Variants in ERCC3 observed in about 807,000 individuals in gnomAD.
ERCC3 encodes ERCC excision repair 3, TFIIH core complex helicase subunit.
A neutral mutation model predicts 94.2 loss-of-function variants in ERCC3; 66 were observed. The observed-to-expected ratio is 0.70, with a 90% CI of 0.57 to 0.86. The LOEUF is 0.86. ERCC3 is among the 40% of genes least tolerant of loss of function. ERCC3 has a pLI of 0.00. For missense variants in ERCC3, 829 were observed against 987.1 expected (o/e 0.84, Z 2.15); for synonymous variants, 349 against 369.1 (o/e 0.95, Z 0.63).
In ERCC3 at chr2:127,286,961, G is replaced by C; in HGVS notation, c.1084C>G (p.Leu362Val). The stretch of plus-strand genomic sequence containing the variant: ...GAAACAGCTGAGTTGCCCAGCACCA[G>C]ACAGCGTTTTCTGACAGTGCATGCA... ...TAACTVRKRC[L>V]VLGNSAVSVE... The change falls in exon 8 of 15, where the codon CTG becomes GTG. Residue 362 changes from leucine (L) to valine (V), a missense_variant. Transcript: ENST00000285398. 2 of 1,614,102 alleles carry C rather than the reference G, an allele frequency of 1.2e-6. No homozygotes were observed. The highest frequency in any genetic ancestry group is 2.2e-5 in the South Asian group (2 of 91,084).
At position 127,279,262 on chromosome 2, in the gene ERCC3, C is replaced by G; in HGVS notation, c.1641G>C (p.Leu547=). 1 of 1,613,834 alleles carries G rather than the reference C, an allele frequency of 6.2e-7. No individual in the cohort carries two copies. The highest frequency in any genetic ancestry group is 1.3e-5 in the African/African-American group (1 of 75,006). ...NPNKFRACQF[L]IKFHERRNDK... is the part of the protein sequence containing the mutation. Reference sequence around the variant, plus strand: ...CATTCCTCCTTTCATGAAACTTGATCAGAAACTGGCAAGCTCTAAATTTGT... The same window carrying G: ...CATTCCTCCTTTCATGAAACTTGATGAGAAACTGGCAAGCTCTAAATTTGT... The change falls in exon 10 of 15, where the codon CTG becomes CTC. Residue 547 remains leucine, a synonymous_variant. Transcript: ENST00000285398. This position sits in a 1 kb window ranked among gnomAD's most constrained non-coding sequence, Gnocchi z 4.7.
intron 3 of ERCC3, chr2:127,290,892 G>T: frequency 6.5e-6 from 1 of 154,356 alleles, no homozygotes; most frequent in South Asian, 2.0e-4. Flanking sequence ...GACCAGCCTG[G>T]CCAACATGGT....
Position 127,279,455 on chromosome 2 carries a change from G to T in ERCC3, c.1528-80C>A. ...TAAAACTTTTGAAGACCTTTCTCTAGCAGAATTAGCTTTAAAACAAAACCA... is the reference window on the plus strand; with the variant it reads ...TAAAACTTTTGAAGACCTTTCTCTATCAGAATTAGCTTTAAAACAAAACCA... On this transcript the variant is annotated intron_variant, in intron 9 of 14. Transcript: ENST00000285398. The surrounding 1 kb of genome is among the most constrained non-coding windows in gnomAD (Gnocchi z 4.7). 1 of 1,112,858 alleles carries T rather than the reference G, an allele frequency of 9.0e-7. No individual in the cohort carries two copies. 68.9% of individuals were successfully genotyped at this position (1,112,858 alleles called of 1,614,324 possible).
At chr2:127,290,673 AT>A (rs1418593864) in intron 3 of ERCC3, 2 of 298,752 alleles carry the variant, frequency 6.7e-6, no homozygotes. Context: ...CAATGCTCCT[AT>A]TTCCCCAAAT....
intron 7 of ERCC3, 22 bp from the exon 8 acceptor site, chr2:127,287,039 TC>T (rs745763019): frequency 6.3e-7 from 1 of 1,592,782 alleles, no homozygotes; most frequent in East Asian, 2.2e-5. Flanking sequence ...AAGAGTGCAA[TC>T]CCACCCAAGG....
At position 127,291,355 on chromosome 2, in the gene ERCC3, G is replaced by A. The variant is rs1685265450; in HGVS notation, c.472-1082C>T. On this transcript the variant is annotated intron_variant, in intron 3 of 14. Transcript: ENST00000285398. The surrounding 1 kb of genome is among the most constrained non-coding windows in gnomAD (Gnocchi z 4.9). Reference sequence around the variant, plus strand: ...GCTCACTTCAACCTCTGCCGCCCGGGTTCAAGTGATTGTCCTGCCTCAGCC... The same window carrying A: ...GCTCACTTCAACCTCTGCCGCCCGGATTCAAGTGATTGTCCTGCCTCAGCC... Among the ~76,000 whole-genome samples, 1 of 152,130 alleles carries A rather than the reference G, an allele frequency of 6.6e-6. No homozygotes were observed. Among genetic ancestry groups the A allele is most frequent in the Admixed American group, 6.5e-5 (1 of 15,276 alleles).
chr2:127,288,672 C>T lies in ERCC3; in HGVS notation c.1015G>A (p.Val339Ile), dbSNP rs1558961958. 6.2e-7 allele frequency: 1 copy of T among 1,614,126 alleles called. No homozygotes were observed. The highest frequency in any genetic ancestry group is 2.2e-5 in the East Asian group (1 of 44,880). The change falls in exon 7 of 15, where the codon GTT (valine) becomes ATT (isoleucine). Residue 339 changes from valine to isoleucine, a missense_variant. Physicochemically the swap from Val to Ile is conservative, Grantham distance 29. Coordinates refer to ENST00000285398, the MANE Select transcript of ERCC3 (RefSeq NM_000122.2). ...GNGRARSGVI[V>I]LPCGAGKSLV... ...TGGTACCACTTACCGCAGGGAAGAA[C>T]AATGACCCCCGAACGTGCACGCCCG...
chr2:127,260,605 G>A (rs1411366547), intron 13 of ERCC3: 1 of 154,382 alleles, frequency 6.5e-6, no homozygotes. Flanking sequence ...TCAAAAGGCA[G>A]CCTGGATTGC....
At chr2:127,272,184 C>A (rs1294846268) in intron 11 of ERCC3, among the ~76,000 whole-genome samples, 2 of 151,868 alleles carry the variant, frequency 1.3e-5, no homozygotes, top group Non-Finnish European at 2.9e-5. Context: ...GCCACCACAC[C>A]CAGCTAATTT....
intron 4 of ERCC3, 49 bp from the exon 5 acceptor site, chr2:127,289,873 T>A: frequency 6.2e-7 from 1 of 1,603,634 alleles, no homozygotes; most frequent in Admixed American, 1.7e-5. Context: ...AGGTACCTCC[T>A]GGAGATTCCA....
In ERCC3 at chr2:127,284,910, C is replaced by T. The variant is rs779689403; in HGVS notation, c.1342+1793G>A. Among the ~76,000 whole-genome samples the T allele has an allele frequency of 6.6e-6, 1 of 152,122 alleles. No individual in the cohort carries two copies. The highest frequency in any genetic ancestry group is 1.5e-5 in the Non-Finnish European group (1 of 68,016). On this transcript the variant is annotated intron_variant, in intron 8 of 14. Coordinates refer to ENST00000285398, the MANE Select transcript of ERCC3 (RefSeq NM_000122.2). The surrounding 1 kb of genome is among the most constrained non-coding windows in gnomAD (Gnocchi z 4.1). ...CTATGTTACCCAGGCTAATCTTAAG[C>T]TCCTGGGCTCAAGCAATCCTCCTGC...
At chr2:127,290,084 A>G in intron 4 of ERCC3, 140 bp downstream of exon 4, 5 of 834,780 alleles carry the variant, frequency 6.0e-6, no homozygotes, top group Non-Finnish European at 1.0e-5. Flanking sequence ...AGTCTGGGCC[A>G]CATCTCTTGT....
rs182920586 is a variant in ERCC3, at chr2:127,273,475, C to T, written c.1731-514G>A. Among the ~76,000 whole-genome samples, 353 of 151,704 alleles carry T rather than the reference C, an allele frequency of 2.3e-3. 6 individuals carry two copies. The highest frequency in any genetic ancestry group is 7.6e-3 in the African/African-American group (315 of 41,354). On this transcript the variant is annotated intron_variant, in intron 10 of 14. Coordinates refer to ENST00000285398, the MANE Select transcript of ERCC3 (RefSeq NM_000122.2). ...CTTTAATTTCTAGCTCCCTGCCAGG[C>T]GCGGTGGTTCACGCCTGTAATCCCA...
chr2:127,263,598 A>G (rs535302268), intron 12 of ERCC3, among the ~76,000 whole-genome samples: 7 of 152,028 alleles, frequency 4.6e-5, no homozygotes, highest in African/African-American at 1.4e-4. Context: ...CTTTTTTCCT[A>G]TCTGGATGCC....
rs1334109398 is a variant in ERCC3, at chr2:127,284,355, C to T, written c.1342+2348G>A. ...TCCTACAAGACCTGCCCCAATACCG[C>T]TAATCTTCCTCAGCCTTGACTACTG... On this transcript the variant is annotated intron_variant, in intron 8 of 14. Coordinates refer to ENST00000285398, the MANE Select transcript of ERCC3 (RefSeq NM_000122.2). This position sits in a 1 kb window ranked among gnomAD's most constrained non-coding sequence, Gnocchi z 4.1. 1 of 152,350 alleles carries T rather than the reference C, an allele frequency of 6.6e-6. No individual in the cohort carries two copies. The highest frequency in any genetic ancestry group is 2.4e-5 in the African/African-American group (1 of 41,468). 9.4% of individuals were successfully genotyped at this position (152,350 alleles called of 1,614,324 possible). A position where few individuals can be genotyped will look rare whatever the true frequency, so the allele number is the denominator to read the frequency against.
intron 12 of ERCC3, among the ~76,000 whole-genome samples, chr2:127,265,378 A>T (rs972324631): frequency 1.3e-5 from 2 of 151,588 alleles, no homozygotes; most frequent in Non-Finnish European, 2.9e-5. Flanking sequence ...GCTTATTTGG[A>T]TCTTCTCTTT....
chr2:127,264,337 G>A lies in ERCC3; in HGVS notation c.1946-2991C>T, dbSNP rs1299408611. 1.3e-5 allele frequency among the ~76,000 whole-genome samples: 2 copies of A among 152,090 alleles called. No individual in the cohort carries two copies. Among genetic ancestry groups the A allele is most frequent in the Admixed American group, 6.5e-5 (1 of 15,268 alleles). On this transcript the variant is annotated intron_variant, in intron 12 of 14. Coordinates refer to ENST00000285398, the MANE Select transcript of ERCC3 (RefSeq NM_000122.2). The surrounding 1 kb of genome is among the most constrained non-coding windows in gnomAD (Gnocchi z 4.4). ...AAAAATTAGCTGGGCATGGTGGTGC[G>A]TGCCTGTAGTCCCAGCTACTTGGGA... is the stretch of plus-strand genomic sequence containing the variant.
rs560809471 is a variant in ERCC3 at position 127,292,705 on chromosome 2, C to T, written c.376G>A (p.Ala126Thr). Reference protein sequence around the residue: ...YKLTAYSLYAAVSVGLQTSDI... With the variant: ...YKLTAYSLYATVSVGLQTSDI... Reference sequence around the variant, plus strand: ...CTGGTTTGCAGCCCAACGCTGACAGCTGCATACAAGGAGTAGGCAGTTAGT... The same window carrying T: ...CTGGTTTGCAGCCCAACGCTGACAGTTGCATACAAGGAGTAGGCAGTTAGT... The change falls in exon 3 of 15, where the codon GCT (alanine) becomes ACT (threonine). Residue 126 changes from alanine to threonine, a missense_variant. Transcript: ENST00000285398. 1 of 1,614,182 alleles carries T rather than the reference C, an allele frequency of 6.2e-7. No individual in the cohort carries two copies. The highest frequency in any genetic ancestry group is 8.5e-7 in the Non-Finnish European group (1 of 1,180,034).
intron 7 of ERCC3, 43 bp downstream of exon 7, chr2:127,288,617 G>C (rs1455745036): frequency 6.5e-7 from 1 of 1,549,140 alleles, no homozygotes; most frequent in Non-Finnish European, 8.9e-7. Context: ...GGCAGATCCA[G>C]ACACAACAGC....
Sources: gnomAD v4.1 joint callset for allele counts (sites outside exome capture counted in the v4.1 genomes callset) on GRCh38, gnomAD v4.1.1 for gene constraint, Gnocchi (gnomAD v3.1) non-coding constraint, MANE v1.5 for transcripts, NCBI Gene and HGNC (gene_info 2026-07-23, HGNC 2026-07-21) for gene names.